CARMIL1: variants seen among roughly 807,000 people sequenced by gnomAD.
CARMIL1 encodes the protein F-actin-uncapping protein LRRC16A.
Under a neutral mutation model 177.1 loss-of-function variants are expected in CARMIL1, and 90 were observed. That is an observed-to-expected ratio of 0.51 (90% confidence interval 0.43 to 0.61). CARMIL1 has a LOEUF of 0.61. CARMIL1 is among the 20% of genes least tolerant of loss of function. The pLI, the probability that CARMIL1 is intolerant of heterozygous loss-of-function variation, is 0.00. For synonymous variants in CARMIL1, 577 were observed against 606.2 expected, an observed-to-expected ratio of 0.95 and a Z score of 0.71; for missense variants, 1,380 against 1,667.0, an observed-to-expected ratio of 0.83 and a Z score of 3.00.
intron 2 of CARMIL1, among the ~76,000 whole-genome samples, chr6:25,408,292 T>TAAAAAA (rs1166997029): frequency 1.7e-4 from 16 of 96,342 alleles, no homozygotes; most frequent in African/African-American, 1.7e-4. Flanking sequence ...TCTCTTAAAA[T>TAAAAAA]AAAAAAAAAA....
intron 2 of CARMIL1, among the ~76,000 whole-genome samples, chr6:25,330,652 C>T (rs1785528854): frequency 6.8e-6 from 1 of 146,852 alleles, no homozygotes; most frequent in East Asian, 2.0e-4. Context: ...CCAGCCTGGG[C>T]AACATAGTGA....
intron 8 of CARMIL1, chr6:25,451,988 C>CG: frequency 1.5e-5 from 1 of 68,728 alleles, no homozygotes; most frequent in Non-Finnish European, 3.0e-5. Flanking sequence ...AGCATCTTGC[C>CG]CCCCCCTCCC....
intron 31 of CARMIL1, among the ~76,000 whole-genome samples, chr6:25,587,388 C>A (rs1350845343): frequency 1.3e-5 from 2 of 152,130 alleles, no homozygotes; most frequent in African/African-American, 4.8e-5. Context: ...CACTCCCTGG[C>A]AGTGTGTGTC....
At chr6:25,472,119 G>T (rs1400102652) in intron 10 of CARMIL1, among the ~76,000 whole-genome samples, 1 of 151,822 alleles carries the variant, frequency 6.6e-6, no homozygotes, top group Non-Finnish European at 1.5e-5. Flanking sequence ...TTCAATCCAG[G>T]ATTTTTTTTT....
intron 2 of CARMIL1, among the ~76,000 whole-genome samples, chr6:25,349,277 G>A (rs1327014784): frequency 1.3e-5 from 2 of 152,158 alleles, no homozygotes; most frequent in Admixed American, 6.5e-5. Flanking sequence ...CAATGTAGGA[G>A]GAAACAGAAA....
At position 25,580,929 on chromosome 6, in the gene CARMIL1, C is replaced by A. The variant is rs1160431954; in HGVS notation, c.2748C>A (p.Thr916=). ...AATTATTATTTCATTTCTAGATGAC[C>A]CCTAAATCCAAAAGGAAGAGTATCC... ...RLEDLDTCMM[T]PKSKRKSIHS... is the part of the protein sequence containing the mutation. Residue 916 remains threonine, a synonymous_variant, in exon 30 of 37, where the codon ACC becomes ACA. Transcript: ENST00000329474. 29 of 1,593,724 alleles carry A rather than the reference C, an allele frequency of 1.8e-5. No individual in the cohort carries two copies. Among genetic ancestry groups the A allele is most frequent in the Middle Eastern group, 1.7e-4 (1 of 6,050 alleles).
intron 2 of CARMIL1, among the ~76,000 whole-genome samples, chr6:25,380,267 A>G (rs76315175): frequency 0.02 from 3,067 of 152,362 alleles, 55 homozygotes; most frequent in Middle Eastern, 0.095. Context: ...ACTCTAAAGC[A>G]GAAGTCACCA....
At chr6:25,459,219 TTTC>T in intron 8 of CARMIL1, among the ~76,000 whole-genome samples, 1 of 63,898 alleles carries the variant, frequency 1.6e-5, no homozygotes, top group South Asian at 6.8e-4. Flanking sequence ...TTTTTCTTTC[TTTC>T]TTTCTTTCTT....
At chr6:25,507,640 A>G (rs1310004915) in intron 17 of CARMIL1, 1 of 152,540 alleles carries the variant, frequency 6.6e-6, no homozygotes, top group East Asian at 1.9e-4. Flanking sequence ...TATATTTTCT[A>G]TTTCTATAAA....
At chr6:25,345,693 T>G (rs1444136574) in intron 2 of CARMIL1, among the ~76,000 whole-genome samples, 2 of 152,230 alleles carry the variant, frequency 1.3e-5, no homozygotes, top group East Asian at 3.8e-4. Context: ...TTCCGCTCAC[T>G]GCAACCTCCA....
chr6:25,526,677 C>G (rs1253056051), intron 23 of CARMIL1, among the ~76,000 whole-genome samples: 1 of 152,098 alleles, frequency 6.6e-6, no homozygotes, highest in Admixed American at 6.5e-5. Flanking sequence ...TTCAGCCTCC[C>G]GAGTAGCTAG....
intron 29 of CARMIL1, chr6:25,563,190 T>C (rs1811282575): frequency 1.0e-6 from 1 of 984,032 alleles, no homozygotes; most frequent in Non-Finnish European, 1.2e-6. Flanking sequence ...AGTCTTACTT[T>C]TCCTCCCTTA....
intron 4 of CARMIL1, among the ~76,000 whole-genome samples, chr6:25,430,067 A>G (rs1307260744): frequency 1.3e-5 from 2 of 152,018 alleles, no homozygotes; most frequent in South Asian, 2.1e-4. Context: ...GATGGTCTCA[A>G]TCTCCTGACC....
chr6:25,283,785 T>TCCC (rs1781320449), intron 1 of CARMIL1, among the ~76,000 whole-genome samples: 1 of 152,076 alleles, frequency 6.6e-6, no homozygotes, highest in Non-Finnish European at 1.5e-5. Context: ...CGATCTCAGC[T>TCCC]CCACTGCAAC....
intron 2 of CARMIL1, among the ~76,000 whole-genome samples, chr6:25,336,404 C>T (rs2744307): frequency 0.67 from 102,204 of 152,024 alleles, 34,404 homozygotes; most frequent in Non-Finnish European, 0.69. Flanking sequence ...CTACTCACCT[C>T]CCCTGTGAGC....
chr6:25,600,286 C>T, intron 32 of CARMIL1, 28 bp from the exon 33 acceptor site: 1 of 1,567,048 alleles, frequency 6.4e-7, no homozygotes, highest in Non-Finnish European at 8.6e-7. Flanking sequence ...GTAAAAACAA[C>T]AGATCTGTGT....
rs746194957 is a variant in CARMIL1, at chr6:25,610,069, A to C, written c.3867A>C (p.Pro1289=). The C allele has an allele frequency of 6.2e-7, 1 of 1,613,946 alleles. No homozygotes were observed. Among genetic ancestry groups the C allele is most frequent in the Non-Finnish European group, 8.5e-7 (1 of 1,179,854 alleles). Residue 1289 remains proline, a synonymous_variant, in exon 36 of 37, where the codon CCA becomes CCC. Transcript: ENST00000329474. The part of the protein sequence containing the change: ...ASRPDDIPDS[P]SSPKVALLPP... ...CCTTAGATGACATTCCAGACTCTCC[A>C]TCTAGCCCGAAAGTTGCCCTTCTTC...
intron 2 of CARMIL1, among the ~76,000 whole-genome samples, chr6:25,301,628 G>T (rs1172037357): frequency 6.6e-6 from 1 of 152,164 alleles, no homozygotes; most frequent in Non-Finnish European, 1.5e-5. Flanking sequence ...ATGGGTTGCA[G>T]GTGGGTTTCA....
intron 2 of CARMIL1, among the ~76,000 whole-genome samples, chr6:25,403,541 C>T (rs556017863): frequency 1.3e-5 from 2 of 152,286 alleles, no homozygotes; most frequent in East Asian, 1.9e-4. Flanking sequence ...ACCTCCCCTG[C>T]GCTTACTCCC....
Sources: gnomAD v4.1 joint callset for allele counts (sites outside exome capture counted in the v4.1 genomes callset) on GRCh38, gnomAD v4.1.1 for gene constraint, MANE v1.5 for transcripts, NCBI Gene and HGNC (gene_info 2026-07-23, HGNC 2026-07-21) for gene names.